Variants in ROBO2 observed in about 807,000 individuals in gnomAD.
The protein encoded by ROBO2 is roundabout guidance receptor 2, also known as roundabout homolog 2.
A neutral mutation model predicts 160.8 loss-of-function variants in ROBO2; 53 were observed. The ratio of observed to expected loss-of-function variants is 0.33; its 90% confidence interval spans 0.26 to 0.41. ROBO2 has a LOEUF of 0.41. Ranked by LOEUF, ROBO2 falls within the 10% of genes least tolerant of loss-of-function variation. The pLI is 1.00. For synonymous variants in ROBO2, 664 were observed against 611.7 expected (o/e 1.09, Z -1.26); for missense variants, 1,577 against 1,722.4 (o/e 0.92, Z 1.49).
chr3:77,094,892 A>G (rs535637528), intron 1 of ROBO2, among the ~76,000 whole-genome samples: 210 of 152,172 alleles, frequency 1.4e-3, no homozygotes, highest in Non-Finnish European at 2.5e-3. Context: ...TTGATTATTT[A>G]TATTTTTATT....
chr3:77,569,528 C>G (rs1214538673), intron 13 of ROBO2, among the ~76,000 whole-genome samples: 2 of 151,836 alleles, frequency 1.3e-5, no homozygotes, highest in Non-Finnish European at 2.9e-5. Flanking sequence ...TTCTTATTGA[C>G]TTAACAAGTG....
chr3:76,679,844 G>A lies in ROBO2; in HGVS notation c.110-418170G>A, dbSNP rs143164893. 1.7e-3 allele frequency among the ~76,000 whole-genome samples: 257 copies of A among 152,232 alleles called. 11 individuals carry two copies. In the South Asian group the frequency reaches 0.034, roughly 20 times the overall value. ...ATTATTTTCTTAAAAATCTCTGAAT[G>A]TGTACTAATCTGGGGATAGTTATCT... On this transcript the variant is annotated intron_variant, in intron 2 of 26. Transcript: ENST00000487694.
intron 2 of ROBO2, among the ~76,000 whole-genome samples, chr3:77,404,622 A>C (rs2076109040): frequency 6.6e-6 from 1 of 152,166 alleles, no homozygotes; most frequent in Non-Finnish European, 1.5e-5. Context: ...CAAATGACTA[A>C]GGTAACGTTT....
At chr3:76,599,282 T>C (rs1230547899) in intron 2 of ROBO2, among the ~76,000 whole-genome samples, 1 of 152,186 alleles carries the variant, frequency 6.6e-6, no homozygotes, top group Non-Finnish European at 1.5e-5. Flanking sequence ...TGTTCATGTG[T>C]TCTCATCATT....
chr3:75,915,982 A>G (rs1354259199), intron 1 of ROBO2, among the ~76,000 whole-genome samples: 2 of 152,226 alleles, frequency 1.3e-5, no homozygotes, highest in Non-Finnish European at 2.9e-5. Flanking sequence ...ATTTCTAGAT[A>G]GATATAGATG....
At position 76,901,315 on chromosome 3, in the gene ROBO2, C is replaced by T. The variant is rs538302242; in HGVS notation, c.110-196699C>T. 5.3e-5 allele frequency among the ~76,000 whole-genome samples: 8 copies of T among 151,950 alleles called. No individual in the cohort carries two copies. In the East Asian group the frequency reaches 7.7e-4, roughly 15 times the overall value. On this transcript the variant is annotated intron_variant, in intron 2 of 26. Transcript: ENST00000487694. The stretch of plus-strand genomic sequence containing the variant: ...ATATAAGCTCCCCAGGCAAGAATTT[C>T]GAAATGTTTTATATCCTTTTCAATC...
chr3:77,309,584 A>G (rs963331982), intron 2 of ROBO2, among the ~76,000 whole-genome samples: 1 of 152,228 alleles, frequency 6.6e-6, no homozygotes, highest in Non-Finnish European at 1.5e-5. Context: ...CTTGTATTAA[A>G]TGTGTTTATC....
intron 2 of ROBO2, among the ~76,000 whole-genome samples, chr3:76,174,207 G>T (rs543549335): frequency 6.6e-6 from 1 of 152,202 alleles, no homozygotes; most frequent in East Asian, 1.9e-4. Context: ...TTTTGATGGG[G>T]TTGTTTGCTT....
At chr3:77,620,314 G>T (rs1229449666) in intron 22 of ROBO2, among the ~76,000 whole-genome samples, 1 of 152,196 alleles carries the variant, frequency 6.6e-6, no homozygotes, top group East Asian at 1.9e-4. Context: ...GAAGTAAACA[G>T]CACAGTGCCT....
chr3:76,838,115 C>T (rs1053065785), intron 2 of ROBO2, among the ~76,000 whole-genome samples: 1 of 152,000 alleles, frequency 6.6e-6, no homozygotes. Flanking sequence ...CTATTATCCT[C>T]ACCAAACTAA....
At chr3:77,184,806 C>T (rs1439186654) in intron 2 of ROBO2, among the ~76,000 whole-genome samples, 1 of 151,856 alleles carries the variant, frequency 6.6e-6, no homozygotes, top group African/African-American at 2.4e-5. Flanking sequence ...AAATGTGCTG[C>T]GTCTTTTATG....
At chr3:76,557,478 A>C (rs2108449102) in intron 2 of ROBO2, among the ~76,000 whole-genome samples, 1 of 151,956 alleles carries the variant, frequency 6.6e-6, no homozygotes, top group Non-Finnish European at 1.5e-5. Context: ...ATCCTAACAT[A>C]AAGATCAAAT....
intron 2 of ROBO2, among the ~76,000 whole-genome samples, chr3:77,436,575 T>G (rs1003962845): frequency 1.3e-5 from 2 of 151,862 alleles, no homozygotes; most frequent in Admixed American, 6.6e-5. Flanking sequence ...ATTGTTCAAG[T>G]TAGCATGTCT....
chr3:76,741,927 CCTTTATAAGAGTTATGT>C (rs1416128955), intron 2 of ROBO2, among the ~76,000 whole-genome samples: 1 of 151,774 alleles, frequency 6.6e-6, no homozygotes, highest in Non-Finnish European at 1.5e-5. Flanking sequence ...TATAATGAGG[CCTTTATAAGAGTTATGT>C]CTATAGTTAT....
chr3:75,946,076 C>T (rs192283377), intron 2 of ROBO2, among the ~76,000 whole-genome samples: 51 of 152,118 alleles, frequency 3.4e-4, no homozygotes, highest in Non-Finnish European at 6.2e-4. Flanking sequence ...GACGGTGTTT[C>T]CTTCTACCAG....
At chr3:76,839,060 A>G (rs2067981997) in intron 2 of ROBO2, among the ~76,000 whole-genome samples, 1 of 152,170 alleles carries the variant, frequency 6.6e-6, no homozygotes, top group Admixed American at 6.6e-5. Flanking sequence ...CTTTAAAATA[A>G]AACCCTTCAC....
At chr3:76,560,586 G>T in intron 2 of ROBO2, among the ~76,000 whole-genome samples, 1 of 145,908 alleles carries the variant, frequency 6.9e-6, no homozygotes. Context: ...ATGACTACTA[G>T]TACTAGGACT....
chr3:76,582,676 T>G (rs2085775335), intron 2 of ROBO2, among the ~76,000 whole-genome samples: 1 of 152,194 alleles, frequency 6.6e-6, no homozygotes. Flanking sequence ...TGAGATATTT[T>G]AAGTCTTATA....
chr3:77,272,397 A>T (rs2059552534), intron 2 of ROBO2, among the ~76,000 whole-genome samples: 1 of 152,086 alleles, frequency 6.6e-6, no homozygotes, highest in Non-Finnish European at 1.5e-5. Context: ...ACATGGCAGG[A>T]GCAGGAGGAA....
Sources: allele counts gnomAD v4.1 joint callset (sites outside exome capture counted in the v4.1 genomes callset), GRCh38; gene constraint gnomAD v4.1.1; transcripts MANE v1.5; gene names NCBI Gene and HGNC (gene_info 2026-07-23, HGNC 2026-07-21).